The following PAICS variants were observed in gnomAD, a reference collection of about 807,000 sequenced individuals.
The protein encoded by PAICS is phosphoribosylaminoimidazole carboxylase and phosphoribosylaminoimidazolesuccinocarboxamide synthase, also known as bifunctional phosphoribosylaminoimidazole carboxylase/phosphoribosylaminoimidazole succinocarboxamide synthetase.
In PAICS, 33 loss-of-function variants were observed where a neutral mutation model predicts 53.7. That is an observed-to-expected ratio of 0.61 (90% CI 0.47 to 0.82). The LOEUF (loss-of-function observed/expected upper bound fraction) is 0.82, where lower values mean the gene tolerates loss of function less well. Ranked by LOEUF, PAICS falls within the 40% of genes least tolerant of loss-of-function variation. PAICS has a pLI of 0.00. For synonymous variants in PAICS, 141 were observed against 167.2 expected, an observed-to-expected ratio of 0.84 and a Z score of 1.21; for missense variants, 394 against 494.1, an observed-to-expected ratio of 0.80 and a Z score of 1.92.
chr4:56,446,259 C>T, intron 2 of PAICS: 1 of 630,722 alleles, frequency 1.6e-6, no homozygotes, highest in East Asian at 2.8e-5. Context: ...TTTCATCATC[C>T]CAAACAAACT....
the PAICS span, among the ~76,000 whole-genome samples, chr4:56,427,190 G>A: frequency 6.6e-6 from 1 of 152,202 alleles, no homozygotes; most frequent in African/African-American, 2.4e-5. Flanking sequence ...TATGAATGTG[G>A]ATGTATAAAT....
At chr4:56,422,464 TG>T in the PAICS span, 3 of 99,860 alleles carry the variant, frequency 3.0e-5, no homozygotes, top group East Asian at 3.1e-4. Flanking sequence ...AATAATATTC[TG>T]GTTTTTTTTT....
chr4:56,445,606 C>G (rs960576797), intron 2 of PAICS, among the ~76,000 whole-genome samples: 2 of 151,902 alleles, frequency 1.3e-5, no homozygotes, highest in African/African-American at 4.8e-5. Context: ...ACAAAAAAAC[C>G]TACCTCAAAA....
chr4:56,438,667 G>C (rs1306767221), intron 1 of PAICS, among the ~76,000 whole-genome samples: 1 of 151,880 alleles, frequency 6.6e-6, no homozygotes, highest in Non-Finnish European at 1.5e-5. Context: ...TCAAACTCCT[G>C]ACCTCAAGTG....
chr4:56,459,607 CA>C lies in PAICS; in HGVS notation c.*71del. 1 of 1,174,414 alleles carries C rather than the reference CA, an allele frequency of 8.5e-7. No individual in the cohort carries two copies. Among genetic ancestry groups the C allele is most frequent in the Non-Finnish European group, 1.2e-6 (1 of 833,206 alleles). 72.7% of individuals were successfully genotyped at this position (1,174,414 alleles called of 1,614,324 possible). ...CTAATTTAGCTGAAGGAAAATCAAG[CA>C]AGATGAAAAGGTAATTTTAAATTAG... is the stretch of plus-strand genomic sequence containing the variant. On this transcript the variant is annotated 3_prime_UTR_variant, in exon 9 of 9. Transcript: ENST00000512576.
the PAICS span, among the ~76,000 whole-genome samples, chr4:56,416,997 G>C: frequency 6.6e-6 from 1 of 152,126 alleles, no homozygotes; most frequent in South Asian, 2.1e-4. Context: ...TTACAGGAGC[G>C]CACCATCACG....
chr4:56,419,562 C>G, the PAICS span: 1 of 522,462 alleles, frequency 1.9e-6, no homozygotes, highest in Non-Finnish European at 2.5e-6. Flanking sequence ...CAATTATTTA[C>G]CTTGTCTGAT....
chr4:56,413,299 G>A, the PAICS span, among the ~76,000 whole-genome samples: 3 of 152,088 alleles, frequency 2.0e-5, no homozygotes, highest in Non-Finnish European at 4.4e-5. Flanking sequence ...GATTAGAGGC[G>A]CAACGCCACC....
upstream of PAICS, chr4:56,435,693 G>A: frequency 6.9e-7 from 1 of 1,456,192 alleles, no homozygotes; most frequent in Non-Finnish European, 9.1e-7. Context: ...CAACGAGCGA[G>A]GGCGGAGGGG....
chr4:56,446,459 G>A, intron 2 of PAICS: 1 of 702,822 alleles, frequency 1.4e-6, no homozygotes, highest in Non-Finnish European at 2.6e-6. Context: ...TAGCATGGAT[G>A]TATCAGGAAT....
At chr4:56,450,465 C>T (rs562889516) in intron 5 of PAICS, among the ~76,000 whole-genome samples, 154 bp from the exon 6 acceptor site, 2 of 152,254 alleles carry the variant, frequency 1.3e-5, no homozygotes, top group East Asian at 3.9e-4. Context: ...TACTATGGAA[C>T]TTTGTTAGTT....
rs1719518960 is a variant in PAICS, at chr4:56,461,616, T to G, written c.*2078T>G. The G allele has an allele frequency of 6.6e-6, 1 of 152,098 alleles. No individual in the cohort carries two copies. The highest frequency in any genetic ancestry group is 2.1e-4 in the South Asian group (1 of 4,826). The allele number at this position is 152,098 out of a possible 1,614,324, so 9.4% of individuals were successfully genotyped here. ...ATGGCTCCCTGCAGCCTTGAACTCC[T>G]GGACTCAAGCTGCAGCCTCTCGAGT... On this transcript the variant is annotated 3_prime_UTR_variant, in exon 9 of 9. Transcript: ENST00000512576.
At position 56,463,515 on chromosome 4, in the gene PAICS, G is replaced by A. The variant is rs1165625301; in HGVS notation, c.*3977G>A. 2.0e-5 allele frequency: 3 copies of A among 151,708 alleles called. No homozygotes were observed. Among genetic ancestry groups the A allele is most frequent in the African/African-American group, 7.3e-5 (3 of 41,210 alleles). The allele number at this position is 151,708 out of a possible 1,614,324, so 9.4% of individuals were successfully genotyped here. ...TCAAGACCAGCCTGACTGACATGGA[G>A]AAACCCCCTCTTTACTAAAAATACA... is the stretch of plus-strand genomic sequence containing the variant. On this transcript the variant is annotated 3_prime_UTR_variant, in exon 9 of 9. Coordinates refer to ENST00000512576, the MANE Select transcript of PAICS (RefSeq NM_001079524.2).
upstream of PAICS, chr4:56,436,162 T>G: frequency 6.7e-7 from 1 of 1,493,690 alleles, no homozygotes; most frequent in Non-Finnish European, 8.9e-7. Flanking sequence ...CCCCTCCGGG[T>G]TAGGCGGCTG....
intron 6 of PAICS, among the ~76,000 whole-genome samples, chr4:56,451,377 G>T (rs186269408): frequency 6.6e-6 from 1 of 152,216 alleles, no homozygotes; most frequent in African/African-American, 2.4e-5. Context: ...AAGTTTTATG[G>T]TATTACTATA....
intron 2 of PAICS, among the ~76,000 whole-genome samples, chr4:56,443,625 T>C (rs1233488122): frequency 6.6e-6 from 1 of 152,256 alleles, no homozygotes; most frequent in African/African-American, 2.4e-5. Context: ...TTCACATAGC[T>C]ACAGGATTAT....
the PAICS span, chr4:56,419,821 T>C: frequency 7.1e-6 from 7 of 984,092 alleles, no homozygotes; most frequent in Middle Eastern, 5.2e-4. Context: ...AAATTTGGAA[T>C]AGACAGAGAC....
intron 2 of PAICS, among the ~76,000 whole-genome samples, chr4:56,444,759 G>A (rs985420690): frequency 3.3e-5 from 5 of 152,044 alleles, no homozygotes; most frequent in African/African-American, 7.2e-5. Context: ...GATGATTACT[G>A]TAGCTTCATT....
chr4:56,462,703 A>G lies in PAICS; in HGVS notation c.*3165A>G, dbSNP rs1433933288. The G allele has an allele frequency of 1.3e-5, 2 of 152,212 alleles. No homozygotes were observed. The highest frequency in any genetic ancestry group is 2.9e-5 in the Non-Finnish European group (2 of 68,048). The allele number at this position is 152,212 out of a possible 1,614,324, so 9.4% of individuals were successfully genotyped here. On this transcript the variant is annotated 3_prime_UTR_variant, in exon 9 of 9. Coordinates refer to ENST00000512576, the MANE Select transcript of PAICS (RefSeq NM_001079524.2). ...GTATGAATGGAATTCATTCACCATG[A>G]GAATTACCTGGAATTCTCTGGGCAT...
Sources: gnomAD v4.1 joint callset for allele counts (sites outside exome capture counted in the v4.1 genomes callset) on GRCh38, gnomAD v4.1.1 for gene constraint, MANE v1.5 for transcripts, NCBI Gene and HGNC (gene_info 2026-07-23, HGNC 2026-07-21) for gene names.